SREK1IP1: variants seen among roughly 807,000 people sequenced by gnomAD.
SREK1IP1 encodes protein SREK1IP1.
A neutral mutation model predicts 22.8 loss-of-function variants in SREK1IP1; 12 were observed. That is an observed-to-expected ratio of 0.53 (90% confidence interval 0.34 to 0.85). The LOEUF is 0.85. Among genes scored for constraint, SREK1IP1 ranks in the 40% least tolerant of loss-of-function variants. The pLI is 0.02. For missense variants in SREK1IP1, 147 were observed against 171.8 expected (o/e 0.86, Z 0.81); for synonymous variants, 53 against 52.7 (o/e 1.01, Z -0.02).
intron 3 of SREK1IP1, among the ~76,000 whole-genome samples, chr5:64,730,240 T>C (rs1388868839): frequency 6.6e-6 from 1 of 152,108 alleles, no homozygotes; most frequent in African/African-American, 2.4e-5. Flanking sequence ...AGAATGTGGA[T>C]ATAAAAACGC....
chr5:64,751,546 C>A, intron 2 of SREK1IP1, among the ~76,000 whole-genome samples: 1 of 152,208 alleles, frequency 6.6e-6, no homozygotes, highest in East Asian at 1.9e-4. Flanking sequence ...AAAGGGAATG[C>A]CATTGGCATT....
chr5:64,759,701 A>AT (rs1282537152), intron 1 of SREK1IP1, among the ~76,000 whole-genome samples: 1 of 152,202 alleles, frequency 6.6e-6, no homozygotes, highest in African/African-American at 2.4e-5. Context: ...TGGGCAAAGG[A>AT]TGTTCACAGA....
At chr5:64,754,467 CTT>C in intron 1 of SREK1IP1, 105 bp from the exon 2 acceptor site, 1 of 1,162,886 alleles carries the variant, frequency 8.6e-7, no homozygotes. Context: ...TATAGAATTT[CTT>C]TTTTTTTGTT....
Position 64,768,631 on chromosome 5 carries a change from A to C in SREK1IP1, c.-114T>G. ...GGCGTTTTCCTTCCCCCAGCGCAGCAGCACCCTCGCTACGGTCGGGAAGGG... is the reference window on the plus strand; with the variant it reads ...GGCGTTTTCCTTCCCCCAGCGCAGCCGCACCCTCGCTACGGTCGGGAAGGG... On this transcript the variant is annotated 5_prime_UTR_variant, in exon 1 of 5. Transcript: ENST00000513458. 2.0e-6 allele frequency: 3 copies of C among 1,489,518 alleles called. No individual in the cohort carries two copies. The highest frequency in any genetic ancestry group is 2.8e-6 in the Non-Finnish European group (3 of 1,074,936). 92.3% of individuals were successfully genotyped at this position (1,489,518 alleles called of 1,614,324 possible).
chr5:64,742,470 A>G (rs1412519566), intron 2 of SREK1IP1, among the ~76,000 whole-genome samples: 3 of 152,214 alleles, frequency 2.0e-5, no homozygotes, highest in African/African-American at 7.2e-5. Context: ...TCTATATTCA[A>G]TGTTCAAAAC....
At chr5:64,756,662 G>C (rs1742846871) in intron 1 of SREK1IP1, among the ~76,000 whole-genome samples, 1 of 150,684 alleles carries the variant, frequency 6.6e-6, no homozygotes, top group Admixed American at 6.6e-5. Context: ...GTCTCACTCT[G>C]TCACCCATGC....
chr5:64,731,542 G>C (rs1456747585), intron 3 of SREK1IP1, among the ~76,000 whole-genome samples: 1 of 141,358 alleles, frequency 7.1e-6, no homozygotes, highest in African/African-American at 3.0e-5. Flanking sequence ...AAAAAAAGAG[G>C]ACAGGAATCT....
chr5:64,754,550 C>T, intron 1 of SREK1IP1, 188 bp from the exon 2 acceptor site: 1 of 518,622 alleles, frequency 1.9e-6, no homozygotes, highest in Non-Finnish European at 3.5e-6. Context: ...CTACAGCCTC[C>T]AGCTCCTGGC....
intron 3 of SREK1IP1, among the ~76,000 whole-genome samples, chr5:64,736,526 A>G (rs1742464884): frequency 6.6e-6 from 1 of 150,766 alleles, no homozygotes; most frequent in Admixed American, 6.6e-5. Context: ...CAGTGGCATG[A>G]TCTCGGCTCA....
chr5:64,761,902 T>C (rs148015024), intron 1 of SREK1IP1, among the ~76,000 whole-genome samples: 61 of 152,106 alleles, frequency 4.0e-4, no homozygotes, highest in Middle Eastern at 3.4e-3. Flanking sequence ...AAGTTAACAG[T>C]AGACAACGAA....
rs1393029881 is a variant in SREK1IP1 at position 64,736,958 on chromosome 5, A to G, written c.205+4099T>C. 8.8e-5 allele frequency among the ~76,000 whole-genome samples: 13 copies of G among 147,928 alleles called. No individual in the cohort carries two copies. In the Admixed American group the frequency reaches 8.8e-4, roughly 10 times the overall value. ...GAGTTATAGTAATTTCAGAATAACT[A>G]CTGCAAACATGCCCCCAAAAAGTTA... On this transcript the variant is annotated intron_variant, in intron 3 of 4. Transcript: ENST00000513458.
chr5:64,723,540 C>G lies in SREK1IP1; in HGVS notation c.*844G>C, dbSNP rs900883100. ...TTCTAATAAAGATTTAGCTATCTTC[C>G]TAAATAAAAATTTCTGTGTTTGAGG... On this transcript the variant is annotated 3_prime_UTR_variant, in exon 5 of 5. Coordinates refer to ENST00000513458, the MANE Select transcript of SREK1IP1 (RefSeq NM_173829.4). 6.6e-6 allele frequency: 1 copy of G among 152,502 alleles called. No homozygotes were observed. Among genetic ancestry groups the G allele is most frequent in the African/African-American group, 2.4e-5 (1 of 41,416 alleles). 9.4% of individuals were successfully genotyped at this position (152,502 alleles called of 1,614,324 possible). A position where few individuals can be genotyped will look rare whatever the true frequency, so the allele number is the denominator to read the frequency against.
chr5:64,741,912 G>A (rs1424567222), intron 2 of SREK1IP1, among the ~76,000 whole-genome samples: 2 of 149,742 alleles, frequency 1.3e-5, no homozygotes, highest in Admixed American at 6.6e-5. Flanking sequence ...AAGCTCACTC[G>A]CATGCCTGTG....
intron 2 of SREK1IP1, among the ~76,000 whole-genome samples, chr5:64,743,939 G>C (rs1742591269): frequency 6.6e-6 from 1 of 152,102 alleles, no homozygotes; most frequent in East Asian, 1.9e-4. Context: ...CTGTCACACT[G>C]TCTCTCTAAA....
intron 3 of SREK1IP1, among the ~76,000 whole-genome samples, chr5:64,730,511 T>C (rs1332806348): frequency 6.6e-6 from 1 of 152,028 alleles, no homozygotes; most frequent in Non-Finnish European, 1.5e-5. Flanking sequence ...AAGAAAAGAA[T>C]TCATAGCAAT....
intron 3 of SREK1IP1, among the ~76,000 whole-genome samples, chr5:64,736,464 A>AT (rs1215824112): frequency 0.087 from 12,635 of 144,514 alleles, 1,132 homozygotes; most frequent in African/African-American, 0.24. Context: ...AACACTTAGA[A>AT]TTTTTTTTTT....
chr5:64,735,767 T>C (rs538807634), intron 3 of SREK1IP1, among the ~76,000 whole-genome samples: 7 of 152,140 alleles, frequency 4.6e-5, no homozygotes, highest in Non-Finnish European at 7.4e-5. Flanking sequence ...AAAATCTCAT[T>C]AGTTTGGATA....
chr5:64,747,734 C>T (rs566459701), intron 2 of SREK1IP1, among the ~76,000 whole-genome samples: 1 of 152,054 alleles, frequency 6.6e-6, no homozygotes, highest in Admixed American at 6.5e-5. Flanking sequence ...TGAGACCATC[C>T]TGGCTAGCAC....
intron 2 of SREK1IP1, among the ~76,000 whole-genome samples, chr5:64,746,463 G>C (rs1222994631): frequency 6.6e-6 from 1 of 151,986 alleles, no homozygotes; most frequent in African/African-American, 2.4e-5. Flanking sequence ...TTAATATCCA[G>C]AATACATAAA....
Sources: gnomAD v4.1 joint callset for allele counts (sites outside exome capture counted in the v4.1 genomes callset) on GRCh38, gnomAD v4.1.1 for gene constraint, MANE v1.5 for transcripts, NCBI Gene and HGNC (gene_info 2026-07-23, HGNC 2026-07-21) for gene names.